The following ALDOB variants were observed in gnomAD, a reference collection of about 807,000 sequenced individuals.
ALDOB encodes aldolase, fructose-bisphosphate B.
A neutral mutation model predicts 41.0 loss-of-function variants in ALDOB; 39 were observed. The ratio of observed to expected loss-of-function variants is 0.95; its 90% CI spans 0.74 to 1.24. The LOEUF (loss-of-function observed/expected upper bound fraction) is 1.24. ALDOB is among the 50% of genes most tolerant of loss of function. The pLI is 0.00. For missense variants in ALDOB, 530 were observed against 457.3 expected (o/e 1.16, Z -1.45); for synonymous variants, 175 against 168.8 (o/e 1.04, Z -0.28).
intron 1 of ALDOB, 123 bp from the exon 2 acceptor site, chr9:101,431,020 A>G (rs2118366893): frequency 1.4e-6 from 1 of 720,616 alleles, no homozygotes; most frequent in Middle Eastern, 2.9e-4. Flanking sequence ...ACCCATTTCC[A>G]CAGGTGGATA....
chr9:101,433,837 A>G (rs1042516823), intron 1 of ALDOB, among the ~76,000 whole-genome samples: 5 of 151,948 alleles, frequency 3.3e-5, no homozygotes, highest in Non-Finnish European at 7.4e-5. Context: ...TGGCACAATC[A>G]TGACTCACTG....
chr9:101,421,483 G>A lies in ALDOB; in HGVS notation c.*326C>T. ...ATGCACTTCTCTACACTCAGCTAAT[G>A]AGGTGTTTCAATCAGCAGTTGTTCT... On this transcript the variant is annotated 3_prime_UTR_variant, in exon 9 of 9. Coordinates refer to ENST00000647789, the MANE Select transcript of ALDOB (RefSeq NM_000035.4). 5.0e-6 allele frequency: 2 copies of A among 399,628 alleles called. No homozygotes were observed. The highest frequency in any genetic ancestry group is 7.2e-5 in the Admixed American group (2 of 27,850). 24.8% of individuals were successfully genotyped at this position (399,628 alleles called of 1,614,324 possible).
At chr9:101,427,968 A>G (rs949052371) in intron 4 of ALDOB, among the ~76,000 whole-genome samples, 1 of 152,210 alleles carries the variant, frequency 6.6e-6, no homozygotes, top group Admixed American at 6.5e-5. Flanking sequence ...CAAGAGTGAC[A>G]GAGCTGGGAT....
At chr9:101,429,709 T>C in intron 3 of ALDOB, 46 bp downstream of exon 3, 1 of 1,572,184 alleles carries the variant, frequency 6.4e-7, no homozygotes, top group Non-Finnish European at 8.8e-7. Flanking sequence ...GTGCTTGGAG[T>C]TTGCCTAGGA....
intron 2 of ALDOB, 110 bp downstream of exon 2, chr9:101,430,666 C>A: frequency 1.2e-6 from 1 of 839,598 alleles, no homozygotes; most frequent in South Asian, 1.4e-5. Flanking sequence ...GCTCCCACTC[C>A]CGTGTACATA....
chr9:101,427,726 C>A (rs1364002510), intron 4 of ALDOB, 84 bp from the exon 5 acceptor site: 2 of 1,533,320 alleles, frequency 1.3e-6, no homozygotes, highest in African/African-American at 2.7e-5. Flanking sequence ...GGAGTTCTCC[C>A]TTTGCTTAGC....
intron 3 of ALDOB, among the ~76,000 whole-genome samples, chr9:101,429,253 A>G (rs1294395680): frequency 1.3e-5 from 2 of 150,756 alleles, no homozygotes; most frequent in South Asian, 2.1e-4. Flanking sequence ...TCCAGGGCTC[A>G]GGTGATCAAT....
intron 1 of ALDOB, among the ~76,000 whole-genome samples, chr9:101,433,323 C>G: frequency 6.6e-6 from 1 of 152,148 alleles, no homozygotes; most frequent in East Asian, 1.9e-4. Context: ...ACCAGAATAA[C>G]AGTGAAAATG....
chr9:101,429,081 T>C (rs1831174140), intron 3 of ALDOB, among the ~76,000 whole-genome samples: 1 of 152,162 alleles, frequency 6.6e-6, no homozygotes, highest in South Asian at 2.1e-4. Context: ...TCAATAATTA[T>C]GATAGTTACC....
Position 101,430,925 on chromosome 9 carries a change from A to G in ALDOB, c.-10-28T>C, listed in dbSNP as rs374061630. The G allele has an allele frequency of 2.0e-5, 31 of 1,514,232 alleles. No homozygotes were observed. The Middle Eastern group carries it at 6.8e-4, about 33-fold the overall frequency. The allele number at this position is 1,514,232 out of a possible 1,614,324, so 93.8% of individuals were successfully genotyped here. ...GGAAAAGAGTGTGCGAGAGTTGTGC[A>G]CAGAACCATGGGTGGCTCAGATGGA... On this transcript the variant is annotated intron_variant, in intron 1 of 8. Coordinates refer to ENST00000647789, the MANE Select transcript of ALDOB (RefSeq NM_000035.4).
chr9:101,430,529 C>G (rs991887661), intron 2 of ALDOB, among the ~76,000 whole-genome samples: 2 of 152,142 alleles, frequency 1.3e-5, no homozygotes, highest in African/African-American at 4.8e-5. Flanking sequence ...AAGTTTCTGG[C>G]CTTACTACAA....
At chr9:101,428,365 G>A in intron 4 of ALDOB, 104 bp downstream of exon 4, 1 of 1,057,498 alleles carries the variant, frequency 9.5e-7, no homozygotes, top group Non-Finnish European at 1.5e-6. Context: ...GTGGCTCTAA[G>A]ACCAGTGTAA....
At chr9:101,430,040 A>C in intron 2 of ALDOB, 74 bp from the exon 3 acceptor site, 9 of 1,266,760 alleles carry the variant, frequency 7.1e-6, no homozygotes, top group South Asian at 1.2e-5. Flanking sequence ...ACATCATCTC[A>C]GAGACCCTCA....
At chr9:101,435,089 A>G (rs1455732597) in intron 1 of ALDOB, among the ~76,000 whole-genome samples, 1 of 152,220 alleles carries the variant, frequency 6.6e-6, no homozygotes, top group Admixed American at 6.5e-5. Context: ...GAAATGTTCT[A>G]GAAAGTGTCA....
chr9:101,422,646 T>C (rs1014220264), intron 8 of ALDOB, among the ~76,000 whole-genome samples: 10 of 152,214 alleles, frequency 6.6e-5, no homozygotes, highest in Non-Finnish European at 1.3e-4. Flanking sequence ...AGGTTGGTAA[T>C]GGGTACAAAA....
In ALDOB at chr9:101,421,485, G is replaced by T; in HGVS notation, c.*324C>A. The T allele has an allele frequency of 2.5e-6, 1 of 401,724 alleles. No individual in the cohort carries two copies. The allele number at this position is 401,724 out of a possible 1,614,324, so 24.9% of individuals were successfully genotyped here. On this transcript the variant is annotated 3_prime_UTR_variant, in exon 9 of 9. Transcript: ENST00000647789. ...GCACTTCTCTACACTCAGCTAATGA[G>T]GTGTTTCAATCAGCAGTTGTTCTTT...
intron 8 of ALDOB, among the ~76,000 whole-genome samples, chr9:101,424,391 C>G (rs1225697249): frequency 6.6e-6 from 1 of 152,066 alleles, no homozygotes; most frequent in Non-Finnish European, 1.5e-5. Context: ...TGTACTCCAG[C>G]CTGGGTGACA....
intron 2 of ALDOB, among the ~76,000 whole-genome samples, chr9:101,430,189 T>G (rs1341635535): frequency 6.6e-6 from 1 of 152,068 alleles, no homozygotes; most frequent in African/African-American, 2.4e-5. Context: ...GAGGTCAGGG[T>G]GGAAGCCACC....
rs868200339 is a variant in ALDOB at position 101,425,455 on chromosome 9, G to A, written c.797C>T (p.Pro266Leu). 1 of 1,614,194 alleles carries A rather than the reference G, an allele frequency of 6.2e-7. No individual in the cohort carries two copies. Among genetic ancestry groups the A allele is most frequent in the Admixed American group, 1.7e-5 (1 of 60,022 alleles). ...ALHRTVPAAV[P>L]GICFLSGGMS... Reference sequence around the variant, plus strand: ...TTAGAGAAGAAAGAAGGCCTTACCAGGAACAGCTGCAGGAACAGTACGGTG... The same window carrying A: ...TTAGAGAAGAAAGAAGGCCTTACCAAGAACAGCTGCAGGAACAGTACGGTG... The change falls in exon 7 of 9, where the codon CCT becomes CTT. Residue 266 changes from proline to leucine, a missense_variant and splice_region_variant. Pro to Leu is a moderately conservative substitution (Grantham distance 98). Transcript: ENST00000647789.
Sources: allele counts gnomAD v4.1 joint callset (sites outside exome capture counted in the v4.1 genomes callset), GRCh38; gene constraint gnomAD v4.1.1; transcripts MANE v1.5; gene names NCBI Gene and HGNC (gene_info 2026-07-23, HGNC 2026-07-21).